The following CENPI variants were observed in gnomAD, a reference collection of about 807,000 sequenced individuals.
The protein encoded by CENPI is centromere protein I.
Under a neutral mutation model 60.4 loss-of-function variants are expected in CENPI, and 4 were observed. That is an observed-to-expected ratio of 0.07 (90% confidence interval 0.03 to 0.15). The LOEUF (loss-of-function observed/expected upper bound fraction) is 0.15, where lower values mean the gene tolerates loss of function less well. Ranked by LOEUF, CENPI falls within the 10% of genes least tolerant of loss-of-function variation. The pLI is 1.00. For missense variants in CENPI, 444 were observed against 534.5 expected, an observed-to-expected ratio of 0.83 and a Z score of 1.67; for synonymous variants, 157 against 189.4, an observed-to-expected ratio of 0.83 and a Z score of 1.40.
the CENPI span, among the ~76,000 whole-genome samples, chrX:101,177,934 C>A: frequency 8.9e-6 from 1 of 112,185 alleles, no homozygotes; most frequent in African/African-American, 3.2e-5. Context: ...TCTTAGCAAC[C>A]AATACGCTGC....
At chrX:101,101,356 T>G (rs2089414587) in intron 3 of CENPI, 60 bp downstream of exon 3, 1 of 865,384 alleles carries the variant, frequency 1.2e-6, no homozygotes, top group African/African-American at 2.0e-5. Context: ...TCTAGTCTTT[T>G]TTTCTTAAGA....
intron 4 of CENPI, among the ~76,000 whole-genome samples, chrX:101,103,639 C>A (rs749163568): frequency 1.8e-5 from 2 of 112,119 alleles, no homozygotes; most frequent in African/African-American, 3.2e-5. Flanking sequence ...CTGTGTCCGA[C>A]CTTCCTTTTA....
intron 17 of CENPI, among the ~76,000 whole-genome samples, chrX:101,145,411 G>A (rs1370063097): frequency 9.1e-6 from 1 of 110,259 alleles, no homozygotes; most frequent in Non-Finnish European, 1.9e-5. Context: ...TTTTATTTAG[G>A]GCCAGGTACC....
intron 4 of CENPI, 84 bp downstream of exon 4, chrX:101,102,495 A>G (rs2089429649): frequency 7.0e-6 from 2 of 287,166 alleles, no homozygotes; most frequent in Non-Finnish European, 1.1e-5. Flanking sequence ...TTATATATAT[A>G]TACACACACA....
chrX:101,101,582 TAACA>T (rs957724225), intron 3 of CENPI, among the ~76,000 whole-genome samples: 2 of 107,803 alleles, frequency 1.9e-5, no homozygotes, highest in African/African-American at 7.2e-5. Context: ...TGAGAATCTT[TAACA>T]AACAAACTGA....
intron 15 of CENPI, among the ~76,000 whole-genome samples, chrX:101,140,350 A>T (rs1396889495): frequency 8.9e-6 from 1 of 112,172 alleles, no homozygotes; most frequent in Non-Finnish European, 1.9e-5. Flanking sequence ...CTGAGGGGGG[A>T]TGATAAAGAT....
At chrX:101,140,088 G>A (rs918332301) in intron 15 of CENPI, among the ~76,000 whole-genome samples, 10 of 111,686 alleles carry the variant, frequency 9.0e-5, no homozygotes, top group South Asian at 7.3e-4. Flanking sequence ...CGCCCGCCTC[G>A]GCCTCCCAAA....
At chrX:101,144,970 C>T in intron 16 of CENPI, 94 bp from the exon 17 acceptor site, 1 of 735,309 alleles carries the variant, frequency 1.4e-6, no homozygotes, top group Non-Finnish European at 2.0e-6. Context: ...TTAAAATCCT[C>T]ACCAACATTT....
intron 18 of CENPI, 28 bp downstream of exon 18, chrX:101,146,305 AAC>A: frequency 8.6e-7 from 1 of 1,165,621 alleles, no homozygotes; most frequent in Non-Finnish European, 1.2e-6. Flanking sequence ...CATTTTATGA[AAC>A]AGTGTATTAT....
At chrX:101,150,822 A>G (rs2090000886) in intron 20 of CENPI, among the ~76,000 whole-genome samples, 1 of 109,472 alleles carries the variant, frequency 9.1e-6, no homozygotes, top group African/African-American at 3.3e-5. Flanking sequence ...TTTTCCATCC[A>G]GTGTTTTCCT....
intron 4 of CENPI, 87 bp from the exon 5 acceptor site, chrX:101,109,386 T>G (rs1048692611): frequency 4.1e-4 from 316 of 763,222 alleles, no homozygotes; most frequent in Non-Finnish European, 5.4e-4. Context: ...CAGCCTAATG[T>G]GAGATTTTTA....
chrX:101,131,864 T>C (rs1224007544), intron 13 of CENPI, among the ~76,000 whole-genome samples: 5 of 112,056 alleles, frequency 4.5e-5, no homozygotes, highest in Non-Finnish European at 9.4e-5. Context: ...TACATTTTAT[T>C]GACTGTTCAA....
intron 2 of CENPI, among the ~76,000 whole-genome samples, chrX:101,099,110 C>G (rs1033744532): frequency 9.1e-6 from 1 of 110,386 alleles, no homozygotes; most frequent in Non-Finnish European, 1.9e-5. Flanking sequence ...TTCTTTCTTT[C>G]TTTCCTTTCT....
At chrX:101,170,340 C>G (rs1569505368), downstream of CENPI, among the ~76,000 whole-genome samples, 1 of 111,803 alleles carries the variant, frequency 8.9e-6, no homozygotes, top group Non-Finnish European at 1.9e-5. Flanking sequence ...TAAGTATACT[C>G]TATGATGTTC....
chrX:101,113,282 TACACACACACACACACACACAC>T (rs533672702), intron 6 of CENPI, among the ~76,000 whole-genome samples: 4 of 83,976 alleles, frequency 4.8e-5, no homozygotes, highest in Admixed American at 2.9e-4. Context: ...TCCATCCCTT[TACACACACACACACACACACAC>T]ACACACACAC....
At chrX:101,127,075 A>T in intron 9 of CENPI, 63 bp from the exon 10 acceptor site, 1 of 941,203 alleles carries the variant, frequency 1.1e-6, no homozygotes, top group Non-Finnish European at 1.4e-6. Context: ...GAGGCATTTT[A>T]GACTTTATGT....
chrX:101,143,496 G>A (rs2089934167), intron 16 of CENPI, among the ~76,000 whole-genome samples: 2 of 111,560 alleles, frequency 1.8e-5, no homozygotes, highest in South Asian at 7.4e-4. Flanking sequence ...TTCCCTTTTA[G>A]GGTTGAATTG....
chrX:101,102,242 G>A, intron 3 of CENPI, 32 bp from the exon 4 acceptor site: 3 of 1,063,571 alleles, frequency 2.8e-6, no homozygotes, highest in Non-Finnish European at 3.8e-6. Context: ...AATTTTAAAG[G>A]TCTCACTATT....
At position 101,114,650 on chromosome X, in the gene CENPI, T is replaced by C. The variant is rs185866184; in HGVS notation, c.591+4652T>C. 5.4e-3 allele frequency among the ~76,000 whole-genome samples: 602 copies of C among 111,907 alleles called. 5 individuals carry two copies. The highest frequency in any genetic ancestry group is 0.016 in the African/African-American group (492 of 30,647). On this transcript the variant is annotated intron_variant, in intron 6 of 21. Transcript: ENST00000682095. ...ATAGCATGTATTAGTACTTTTTTTT[T>C]CCCCCTGAGACAGAGTTTCACTCTT...
Sources: gnomAD v4.1 joint callset for allele counts (sites outside exome capture counted in the v4.1 genomes callset) on GRCh38, gnomAD v4.1.1 for gene constraint, MANE v1.5 for transcripts, NCBI Gene and HGNC (gene_info 2026-07-23, HGNC 2026-07-21) for gene names.